Variants in PAWR observed in about 807,000 individuals in gnomAD.
The protein encoded by PAWR is PRKC apoptosis WT1 regulator protein.
Under a neutral mutation model 32.0 loss-of-function variants are expected in PAWR, and 23 were observed. The observed-to-expected ratio is 0.72, with a 90% CI of 0.52 to 1.02. The LOEUF (loss-of-function observed/expected upper bound fraction) is 1.02, where lower values mean the gene tolerates loss of function less well. PAWR is among the 50% of genes least tolerant of loss of function. PAWR has a pLI of 0.00. For synonymous variants in PAWR, 226 were observed against 187.1 expected, an observed-to-expected ratio of 1.21 and a Z score of -1.70; for missense variants, 457 against 437.7, an observed-to-expected ratio of 1.04 and a Z score of -0.39.
chr12:79,626,909 G>T (rs1270101822), intron 2 of PAWR, among the ~76,000 whole-genome samples: 1 of 152,118 alleles, frequency 6.6e-6, no homozygotes, highest in Non-Finnish European at 1.5e-5. Context: ...TCCCTACAAA[G>T]GACATGAACT....
At chr12:79,596,194 C>G (rs189456559) in intron 5 of PAWR, among the ~76,000 whole-genome samples, 1 of 152,150 alleles carries the variant, frequency 6.6e-6, no homozygotes, top group African/African-American at 2.4e-5. Flanking sequence ...CACTTTTAAA[C>G]AGGCATATTC....
At chr12:79,633,310 AC>A (rs1246358032) in intron 2 of PAWR, among the ~76,000 whole-genome samples, 9 of 152,212 alleles carry the variant, frequency 5.9e-5, no homozygotes, top group Non-Finnish European at 1.3e-4. Flanking sequence ...AATTAAAAAA[AC>A]AACCCAATTA....
At chr12:79,686,540 G>A (rs1486407046) in intron 2 of PAWR, among the ~76,000 whole-genome samples, 2 of 152,194 alleles carry the variant, frequency 1.3e-5, no homozygotes, top group African/African-American at 4.8e-5. Flanking sequence ...ACAGGGTGGG[G>A]TGAAGGGACA....
Position 79,639,833 on chromosome 12 carries a change from CATTCCTATTCCT to C in PAWR, c.517-18638_517-18627del, listed in dbSNP as rs200677061. On this transcript the variant is annotated intron_variant, in intron 2 of 6. Transcript: ENST00000328827. ...TCCATTCCTTTTCCTTTTCCTTTTC[CATTCCTATTCCT>C]ATTCCTATTCCTATTCCTATTCCTA... Among the ~76,000 whole-genome samples, 1,056 of 127,434 alleles carry C rather than the reference CATTCCTATTCCT, an allele frequency of 8.3e-3. 31 individuals are homozygous for C. The highest frequency in any genetic ancestry group is 0.035 in the African/African-American group (820 of 23,702). The allele number at this position is 127,434 out of a possible 152,430, so 83.6% of individuals were successfully genotyped here. A position where few individuals can be genotyped will look rare whatever the true frequency, so the allele number is the denominator to read the frequency against.
rs34804169 is a variant in PAWR at position 79,670,465 on chromosome 12, G to GA, written c.516+19263dup. ...CTATTATACATCATTTTTTCTTGGGGAAAAAAAAAATGCAATGAATAAGAA... is the reference window on the plus strand; with the variant it reads ...CTATTATACATCATTTTTTCTTGGGGAAAAAAAAAAATGCAATGAATAAGAA... On this transcript the variant is annotated intron_variant, in intron 2 of 6. Transcript: ENST00000328827. 5.0e-3 allele frequency among the ~76,000 whole-genome samples: 743 copies of GA among 148,318 alleles called. 8 individuals carry two copies. Among genetic ancestry groups the GA allele is most frequent in the African/African-American group, 0.017 (697 of 40,944 alleles).
At position 79,690,406 on chromosome 12, in the gene PAWR, A is replaced by G. The variant is rs1029270304; in HGVS notation, c.-147-15T>C. 2.0e-4 allele frequency: 266 copies of G among 1,314,288 alleles called. No individual in the cohort carries two copies. Among genetic ancestry groups the G allele is most frequent in the Non-Finnish European group, 2.5e-4 (259 of 1,028,632 alleles). The allele number at this position is 1,314,288 out of a possible 1,614,324, so 81.4% of individuals were successfully genotyped here. Reference sequence around the variant, plus strand: ...AGCCGGCGGGGCTGAGGTGAAAGACAAAAGGGGGCGGGTAAGGGAAGCGTA... The same window carrying G: ...AGCCGGCGGGGCTGAGGTGAAAGACGAAAGGGGGCGGGTAAGGGAAGCGTA... On this transcript the variant is annotated splice_polypyrimidine_tract_variant and intron_variant, in intron 1 of 6. Coordinates refer to ENST00000328827, the MANE Select transcript of PAWR (RefSeq NM_002583.4).
intron 2 of PAWR, among the ~76,000 whole-genome samples, chr12:79,653,287 T>C (rs10746140): frequency 0.35 from 52,807 of 152,054 alleles, 15,392 homozygotes; most frequent in African/African-American, 0.8. Context: ...CCACCGGCCT[T>C]GGCTTCCCAA....
At chr12:79,653,022 T>C (rs1876921240) in intron 2 of PAWR, among the ~76,000 whole-genome samples, 1 of 152,052 alleles carries the variant, frequency 6.6e-6, no homozygotes, top group African/African-American at 2.4e-5. Context: ...AGAAATTCTG[T>C]TTTTGTGTTT....
chr12:79,657,590 G>A (rs938904153), intron 2 of PAWR, among the ~76,000 whole-genome samples: 2 of 152,088 alleles, frequency 1.3e-5, no homozygotes, highest in Non-Finnish European at 2.9e-5. Flanking sequence ...AGAAGACCGA[G>A]ACCATCTTGG....
At chr12:79,605,182 T>C (rs1302828154) in intron 4 of PAWR, among the ~76,000 whole-genome samples, 1 of 152,196 alleles carries the variant, frequency 6.6e-6, no homozygotes, top group Non-Finnish European at 1.5e-5. Context: ...ATTATAACTG[T>C]TTATAGCAAT....
chr12:79,598,491 G>A (rs1565996781), intron 4 of PAWR, among the ~76,000 whole-genome samples: 1 of 152,092 alleles, frequency 6.6e-6, no homozygotes. Flanking sequence ...TCACTGACTG[G>A]TATCCATTTC....
At chr12:79,619,253 G>A (rs982978621) in intron 3 of PAWR, among the ~76,000 whole-genome samples, 2 of 150,128 alleles carry the variant, frequency 1.3e-5, no homozygotes, top group African/African-American at 4.8e-5. Flanking sequence ...TAGTCACTCG[G>A]GAGCCACCTT....
intron 2 of PAWR, among the ~76,000 whole-genome samples, chr12:79,686,787 C>T (rs889500333): frequency 7.2e-5 from 11 of 152,270 alleles, no homozygotes; most frequent in African/African-American, 2.4e-4. Flanking sequence ...AATCATCTCC[C>T]CCTTTTAAAC....
chr12:79,662,982 C>T (rs1458877349), intron 2 of PAWR, among the ~76,000 whole-genome samples: 1 of 152,130 alleles, frequency 6.6e-6, no homozygotes, highest in East Asian at 1.9e-4. Context: ...TGAGTAAATG[C>T]TTTTAATTTA....
chr12:79,620,929 G>C, intron 3 of PAWR, 147 bp downstream of exon 3: 3 of 623,108 alleles, frequency 4.8e-6, no homozygotes, highest in South Asian at 4.2e-5. Context: ...CCCAACATGT[G>C]ATGTCAGAAC....
At position 79,689,670 on chromosome 12, in the gene PAWR, ACAC is replaced by A. The variant is rs1259473114; in HGVS notation, c.516+56_516+58del. 6 of 1,511,202 alleles carry A rather than the reference ACAC, an allele frequency of 4.0e-6. No homozygotes were observed. In the East Asian group the frequency reaches 1.0e-4, roughly 25 times the overall value. 93.6% of individuals were successfully genotyped at this position (1,511,202 alleles called of 1,614,324 possible). A position where few individuals can be genotyped will look rare whatever the true frequency, so the allele number is the denominator to read the frequency against. ...GCCCCGGGTAGCTCCCAGGAGGAAG[ACAC>A]CGGGAGGCAGCTGCCCGCCCCGGCC... On this transcript the variant is annotated intron_variant, in intron 2 of 6. Coordinates refer to ENST00000328827, the MANE Select transcript of PAWR (RefSeq NM_002583.4).
At chr12:79,665,491 T>C (rs1462800527) in intron 2 of PAWR, among the ~76,000 whole-genome samples, 2 of 152,208 alleles carry the variant, frequency 1.3e-5, no homozygotes, top group Non-Finnish European at 2.9e-5. Context: ...CGTATTTCTA[T>C]TGTATCATAA....
chr12:79,652,499 C>G (rs761060737), intron 2 of PAWR, among the ~76,000 whole-genome samples: 4 of 152,132 alleles, frequency 2.6e-5, no homozygotes, highest in Non-Finnish European at 4.4e-5. Flanking sequence ...TGTGAAGAAG[C>G]TTCAGATTTG....
intron 4 of PAWR, among the ~76,000 whole-genome samples, chr12:79,610,449 A>T (rs1031347671): frequency 6.6e-6 from 1 of 152,222 alleles, no homozygotes; most frequent in Non-Finnish European, 1.5e-5. Context: ...AAAGAATCAT[A>T]GTCATGTTTT....
Sources: gnomAD v4.1 joint callset for allele counts (sites outside exome capture counted in the v4.1 genomes callset) on GRCh38, gnomAD v4.1.1 for gene constraint, MANE v1.5 for transcripts, NCBI Gene and HGNC (gene_info 2026-07-23, HGNC 2026-07-21) for gene names.